PDE1C: variants seen among roughly 807,000 people sequenced by gnomAD.
The protein encoded by PDE1C is dual specificity calcium/calmodulin-dependent 3',5'-cyclic nucleotide phosphodiesterase 1C.
In PDE1C, 62 loss-of-function variants were observed where a neutral mutation model predicts 93.1. The ratio of observed to expected loss-of-function variants is 0.67; its 90% CI spans 0.54 to 0.82. The LOEUF (loss-of-function observed/expected upper bound fraction) is 0.82. Among genes scored for constraint, PDE1C ranks in the 40% least tolerant of loss-of-function variants. The pLI, the probability that PDE1C is intolerant of heterozygous loss-of-function variation, is 0.00. For synonymous variants in PDE1C, 325 were observed against 310.1 expected (o/e 1.05, Z -0.50); for missense variants, 742 against 884.6 (o/e 0.84, Z 2.04).
chr7:32,377,519 C>A (rs983582947), intron 1 of PDE1C, among the ~76,000 whole-genome samples: 1 of 152,086 alleles, frequency 6.6e-6, no homozygotes, highest in Non-Finnish European at 1.5e-5. Flanking sequence ...TTTGTCTTGC[C>A]ATTGAGAAGC....
At chr7:31,729,917 G>T in the PDE1C span, among the ~76,000 whole-genome samples, 1 of 152,162 alleles carries the variant, frequency 6.6e-6, no homozygotes, top group African/African-American at 2.4e-5. Flanking sequence ...GGAAGGACAC[G>T]TGGTATAACA....
intron 3 of PDE1C, among the ~76,000 whole-genome samples, chr7:32,078,170 T>C (rs909574904): frequency 6.6e-6 from 1 of 152,196 alleles, no homozygotes; most frequent in Non-Finnish European, 1.5e-5. Flanking sequence ...CAAATTTGAA[T>C]ATGGAAAAAC....
chr7:31,855,735 A>T (rs1052778448), intron 7 of PDE1C, among the ~76,000 whole-genome samples: 7 of 148,040 alleles, frequency 4.7e-5, no homozygotes, highest in South Asian at 2.1e-4. Context: ...AAAAAAATAA[A>T]AAATAAATAA....
At chr7:32,309,225 G>A (rs1342698358) in intron 1 of PDE1C, among the ~76,000 whole-genome samples, 3 of 152,196 alleles carry the variant, frequency 2.0e-5, no homozygotes, top group Non-Finnish European at 4.4e-5. Context: ...AACAAACAAA[G>A]CCTCCAAGAA....
At chr7:31,983,099 AC>A (rs1812603930) in intron 2 of PDE1C, among the ~76,000 whole-genome samples, 1 of 152,188 alleles carries the variant, frequency 6.6e-6, no homozygotes. Context: ...AATATTCTAA[AC>A]CCATCCCCCT....
chr7:31,984,939 G>A (rs193221429), intron 2 of PDE1C, among the ~76,000 whole-genome samples: 2 of 152,252 alleles, frequency 1.3e-5, no homozygotes, highest in East Asian at 1.9e-4. Context: ...TCGTCCTTCA[G>A]AGTAGCAATT....
At chr7:32,183,534 A>G (rs1180014762) in intron 2 of PDE1C, among the ~76,000 whole-genome samples, 1 of 152,256 alleles carries the variant, frequency 6.6e-6, no homozygotes, top group Non-Finnish European at 1.5e-5. Flanking sequence ...AAACCTGACA[A>G]AAACAAGAAA....
intron 2 of PDE1C, chr7:32,209,478 G>A (rs1207305395): frequency 4.8e-5 from 76 of 1,568,426 alleles, no homozygotes; most frequent in Non-Finnish European, 6.5e-5. Context: ...AGTGAAACAA[G>A]ATTTACTCAC....
chr7:31,626,928 C>G, the PDE1C span, among the ~76,000 whole-genome samples: 1 of 152,206 alleles, frequency 6.6e-6, no homozygotes, highest in Non-Finnish European at 1.5e-5. Context: ...AAGCTTTCTT[C>G]TAGAAAGTGG....
At chr7:31,844,737 T>C (rs992708094) in intron 9 of PDE1C, among the ~76,000 whole-genome samples, 1 of 151,992 alleles carries the variant, frequency 6.6e-6, no homozygotes, top group African/African-American at 2.4e-5. Context: ...TCTTTCCCAT[T>C]CTCTCTCTTT....
At chr7:31,638,183 G>C in the PDE1C span, among the ~76,000 whole-genome samples, 2 of 152,168 alleles carry the variant, frequency 1.3e-5, no homozygotes, top group African/African-American at 4.8e-5. Context: ...GTTGATATAA[G>C]GAGGAAAACG....
At position 32,091,108 on chromosome 7, in the gene PDE1C, A is replaced by G. The variant is rs191859742; in HGVS notation, c.308+78677T>C. Among the ~76,000 whole-genome samples the G allele has an allele frequency of 7.2e-5, 11 of 152,318 alleles. No individual in the cohort carries two copies. The East Asian group carries it at 1.9e-3, about 27-fold the overall frequency. ...TGCCTTTCATATTCACCTATCTCCAATGCCTTTCATAGCAGTAGTGCTTAT... is the reference window on the plus strand; with the variant it reads ...TGCCTTTCATATTCACCTATCTCCAGTGCCTTTCATAGCAGTAGTGCTTAT... On this transcript the variant is annotated intron_variant, in intron 3 of 18. Coordinates refer to the PDE1C transcript ENST00000396193.
In PDE1C at chr7:32,212,318, C is replaced by G. The variant is rs1477951296; in HGVS notation, c.86-2779G>C. 2.6e-5 allele frequency among the ~76,000 whole-genome samples: 4 copies of G among 152,306 alleles called. No individual in the cohort carries two copies. In the East Asian group the frequency reaches 7.7e-4, roughly 29 times the overall value. On this transcript the variant is annotated intron_variant, in intron 1 of 18. Coordinates refer to the PDE1C transcript ENST00000396193. ...AGCCGGGCCCTCCCTGCCCACCACCCTATCCAAGGATGGGAATTGCTGACC... is the reference window on the plus strand; with the variant it reads ...AGCCGGGCCCTCCCTGCCCACCACCGTATCCAAGGATGGGAATTGCTGACC...
At chr7:31,664,157 C>T in the PDE1C span, among the ~76,000 whole-genome samples, 1 of 152,160 alleles carries the variant, frequency 6.6e-6, no homozygotes, top group Non-Finnish European at 1.5e-5. Flanking sequence ...ATGGCCAGCT[C>T]TGTCATGCAG....
chr7:32,051,486 G>A (rs1793353631), intron 2 of PDE1C, 68 bp downstream of exon 2: 1 of 1,460,988 alleles, frequency 6.8e-7, no homozygotes, highest in South Asian at 1.1e-5. Flanking sequence ...AGTCCACCAT[G>A]AGCCAGACTT....
At chr7:31,827,634 C>A (rs1182899779) in intron 12 of PDE1C, among the ~76,000 whole-genome samples, 1 of 151,976 alleles carries the variant, frequency 6.6e-6, no homozygotes, top group East Asian at 1.9e-4. Context: ...TAGAAAAATG[C>A]CTAATTCTTA....
chr7:32,044,277 T>C (rs897098730), intron 2 of PDE1C, among the ~76,000 whole-genome samples: 2 of 152,024 alleles, frequency 1.3e-5, no homozygotes, highest in East Asian at 1.9e-4. Flanking sequence ...CTGGAAAGAA[T>C]ATGAAAGAAG....
chr7:32,074,196 A>AT, upstream of PDE1C, among the ~76,000 whole-genome samples: 1 of 152,170 alleles, frequency 6.6e-6, no homozygotes, highest in Non-Finnish European at 1.5e-5. Context: ...CCAGAGTTCA[A>AT]GGGGAAGCTA....
At chr7:32,262,093 T>C (rs547176923) in intron 1 of PDE1C, among the ~76,000 whole-genome samples, 1 of 151,202 alleles carries the variant, frequency 6.6e-6, no homozygotes, top group Admixed American at 6.6e-5. Context: ...GGGGTAGAAC[T>C]TTGCCTGATT....
Sources: allele counts gnomAD v4.1 joint callset (sites outside exome capture counted in the v4.1 genomes callset), GRCh38; gene constraint gnomAD v4.1.1; transcripts MANE v1.5; gene names NCBI Gene and HGNC (gene_info 2026-07-23, HGNC 2026-07-21).